LDLRAD3: variants seen among roughly 807,000 people sequenced by gnomAD.
LDLRAD3 encodes the protein low-density lipoprotein receptor class A domain-containing protein 3.
Under a neutral mutation model 29.4 loss-of-function variants are expected in LDLRAD3, and 20 were observed. The ratio of observed to expected loss-of-function variants is 0.68; its 90% confidence interval spans 0.48 to 0.99. The LOEUF (loss-of-function observed/expected upper bound fraction) is 0.99, where lower values mean the gene tolerates loss of function less well. Ranked by LOEUF, LDLRAD3 falls within the 50% of genes least tolerant of loss-of-function variation. The pLI is 0.00. For synonymous variants in LDLRAD3, 157 were observed against 192.7 expected, an observed-to-expected ratio of 0.81 and a Z score of 1.53; for missense variants, 420 against 454.3, an observed-to-expected ratio of 0.92 and a Z score of 0.69.
intron 4 of LDLRAD3, among the ~76,000 whole-genome samples, chr11:36,139,991 G>A (rs1008549575): frequency 1.3e-5 from 2 of 152,190 alleles, no homozygotes; most frequent in African/African-American, 2.4e-5. Context: ...GCTTGGAGAT[G>A]CTCTGGAAAA....
intron 2 of LDLRAD3, among the ~76,000 whole-genome samples, chr11:36,074,656 G>A (rs978614241): frequency 1.3e-5 from 2 of 152,156 alleles, no homozygotes; most frequent in Non-Finnish European, 2.9e-5. Context: ...GGAGTGATGT[G>A]CTGAGGCTTG....
At chr11:36,104,137 C>A (rs1426184171) in intron 4 of LDLRAD3, among the ~76,000 whole-genome samples, 1 of 152,200 alleles carries the variant, frequency 6.6e-6, no homozygotes. Context: ...ACTCTTGAGG[C>A]AAGCCAGCTG....
chr11:36,183,394 A>G (rs1239510219), intron 4 of LDLRAD3, among the ~76,000 whole-genome samples: 1 of 152,228 alleles, frequency 6.6e-6, no homozygotes, highest in African/African-American at 2.4e-5. Flanking sequence ...TGATTTTCCT[A>G]TCTAAACCTC....
chr11:36,112,256 C>G (rs1853616422), intron 4 of LDLRAD3, among the ~76,000 whole-genome samples: 1 of 152,162 alleles, frequency 6.6e-6, no homozygotes, highest in Non-Finnish European at 1.5e-5. Context: ...TTGCAGAGCA[C>G]ATTGCTAGGT....
At chr11:36,037,131 C>G (rs1328347785) in intron 2 of LDLRAD3, among the ~76,000 whole-genome samples, 1 of 152,098 alleles carries the variant, frequency 6.6e-6, no homozygotes, top group Non-Finnish European at 1.5e-5. Flanking sequence ...GTGGTGGGCA[C>G]AGGGTTGTCT....
Position 36,045,991 on chromosome 11 carries a change from G to T in LDLRAD3, c.193+9742G>T, listed in dbSNP as rs1242089161. Among the ~76,000 whole-genome samples, 3 of 151,858 alleles carry T rather than the reference G, an allele frequency of 2.0e-5. No homozygotes were observed. The East Asian group carries it at 5.8e-4, about 29-fold the overall frequency. On this transcript the variant is annotated intron_variant, in intron 2 of 5. Transcript: ENST00000315571. Reference sequence around the variant, plus strand: ...TCCCCCACCCCCAACAGGCCCCAGTGTGTGATGTTCCCCTCCCTGTGTCTA... The same window carrying T: ...TCCCCCACCCCCAACAGGCCCCAGTTTGTGATGTTCCCCTCCCTGTGTCTA...
intron 1 of LDLRAD3, among the ~76,000 whole-genome samples, chr11:35,984,922 AT>A (rs1217105214): frequency 1.4e-5 from 2 of 147,190 alleles, no homozygotes; most frequent in Non-Finnish European, 3.0e-5. Context: ...GAGCCACCGC[AT>A]CCTGCCTGTT....
chr11:36,107,579 AT>A lies in LDLRAD3; in HGVS notation c.454+9120del, dbSNP rs375557122. ...ACATATATGACTGTGGTCCCATGAA[AT>A]TATAATACCATGTCTTTACTGTATT... On this transcript the variant is annotated intron_variant, in intron 4 of 5. Transcript: ENST00000315571. 4.7e-3 allele frequency among the ~76,000 whole-genome samples: 709 copies of A among 152,296 alleles called. 7 individuals are homozygous for A. The highest frequency in any genetic ancestry group is 0.017 in the African/African-American group (689 of 41,558).
chr11:36,161,036 C>G (rs1001221179), intron 4 of LDLRAD3, among the ~76,000 whole-genome samples: 10 of 152,206 alleles, frequency 6.6e-5, no homozygotes, highest in Non-Finnish European at 1.2e-4. Flanking sequence ...CTCAGGTGAT[C>G]TGCCCACCTC....
intron 4 of LDLRAD3, among the ~76,000 whole-genome samples, chr11:36,138,018 G>A (rs935207103): frequency 6.6e-5 from 10 of 152,194 alleles, no homozygotes; most frequent in Non-Finnish European, 1.0e-4. Flanking sequence ...TGGGCCATAC[G>A]TAACTCAGGG....
At chr11:36,050,386 T>C (rs572854485) in intron 2 of LDLRAD3, among the ~76,000 whole-genome samples, 1 of 152,280 alleles carries the variant, frequency 6.6e-6, no homozygotes, top group East Asian at 1.9e-4. Flanking sequence ...CATATTCAGA[T>C]TGTTGTTGGT....
At chr11:36,003,707 A>G (rs1038123228) in intron 1 of LDLRAD3, among the ~76,000 whole-genome samples, 3 of 152,196 alleles carry the variant, frequency 2.0e-5, no homozygotes, top group African/African-American at 7.2e-5. Context: ...TGGATGTTGT[A>G]TTAGTCCGTT....
In LDLRAD3 at chr11:36,063,941, G is replaced by A. The variant is rs930814408; in HGVS notation, c.194-17712G>A. ...AATTTATGATCAGCTTGTCCATTCT[G>A]CCAAGAAGCTAGCTGAGATTTTAGT... On this transcript the variant is annotated intron_variant, in intron 2 of 5. Coordinates refer to ENST00000315571, the MANE Select transcript of LDLRAD3 (RefSeq NM_174902.4). Among the ~76,000 whole-genome samples, 3 of 152,228 alleles carry A rather than the reference G, an allele frequency of 2.0e-5. No individual in the cohort carries two copies. In the East Asian group the frequency reaches 5.8e-4, roughly 29 times the overall value.
At chr11:36,178,434 G>A (rs1161984082) in intron 4 of LDLRAD3, among the ~76,000 whole-genome samples, 2 of 152,002 alleles carry the variant, frequency 1.3e-5, no homozygotes, top group Non-Finnish European at 2.9e-5. Flanking sequence ...TCCTCATTCC[G>A]TCGTACGCCA....
chr11:36,162,514 G>A (rs1026466360), intron 4 of LDLRAD3, among the ~76,000 whole-genome samples: 3 of 152,332 alleles, frequency 2.0e-5, no homozygotes, highest in East Asian at 3.9e-4. Context: ...GCAGGGAAAT[G>A]ACATGTGAAT....
At chr11:36,108,742 G>A (rs762659279) in intron 4 of LDLRAD3, among the ~76,000 whole-genome samples, 4 of 152,184 alleles carry the variant, frequency 2.6e-5, no homozygotes, top group African/African-American at 7.2e-5. Flanking sequence ...GCAGATCCAC[G>A]TGGCTGCCCT....
chr11:36,146,155 C>T (rs1159911525), intron 4 of LDLRAD3, among the ~76,000 whole-genome samples: 1 of 152,208 alleles, frequency 6.6e-6, no homozygotes, highest in Non-Finnish European at 1.5e-5. Context: ...GACTCAGTCA[C>T]TGCTCAGCCT....
intron 1 of LDLRAD3, among the ~76,000 whole-genome samples, chr11:36,029,403 G>A (rs1452515242): frequency 1.2e-4 from 14 of 115,380 alleles, no homozygotes; most frequent in Middle Eastern, 4.5e-3. Flanking sequence ...CAAGGGTGGC[G>A]CCAGGACTCA....
At chr11:36,162,158 C>T (rs963489636) in intron 4 of LDLRAD3, among the ~76,000 whole-genome samples, 4 of 152,100 alleles carry the variant, frequency 2.6e-5, no homozygotes, top group Non-Finnish European at 4.4e-5. Flanking sequence ...AAATTCCTGG[C>T]GTGGTATTTT....
Sources: allele counts gnomAD v4.1 joint callset (sites outside exome capture counted in the v4.1 genomes callset), GRCh38; gene constraint gnomAD v4.1.1; transcripts MANE v1.5; gene names NCBI Gene and HGNC (gene_info 2026-07-23, HGNC 2026-07-21).